Variants in WDR74 observed in about 807,000 individuals in gnomAD.
WDR74 encodes WD repeat domain 74, also known as WD repeat-containing protein 74.
WDR74 carries 31 observed loss-of-function variants against 45.6 expected under a neutral mutation model. The observed-to-expected ratio is 0.68, with a 90% confidence interval of 0.51 to 0.92. WDR74 has a LOEUF of 0.92. Ranked by LOEUF, WDR74 falls within the 40% of genes least tolerant of loss-of-function variation. The pLI, the probability that WDR74 is intolerant of heterozygous loss-of-function variation, is 0.00. For synonymous variants in WDR74, 191 were observed against 192.4 expected, an observed-to-expected ratio of 0.99 and a Z score of 0.06; for missense variants, 455 against 497.2, an observed-to-expected ratio of 0.92 and a Z score of 0.81.
intron 6 of WDR74, chr11:62,834,779 C>G: frequency 2.0e-6 from 1 of 496,206 alleles, no homozygotes; most frequent in Non-Finnish European, 3.6e-6. Context: ...TCCCCCCATA[C>G]TCCCATCTAG....
At position 62,834,460 on chromosome 11, in the gene WDR74, G is replaced by A. The variant is rs753684455; in HGVS notation, c.686C>T (p.Pro229Leu). 1.3e-6 allele frequency: 2 copies of A among 1,584,866 alleles called. No individual in the cohort carries two copies. Among genetic ancestry groups the A allele is most frequent in the South Asian group, 2.2e-5 (2 of 90,508 alleles). Reference protein sequence around the residue: ...PVLETTYGEYPLTAMTLTPGG... With the variant: ...PVLETTYGEYLLTAMTLTPGG... ...CGGAGTGAGGGTCATGGCTGTTAGT[G>A]GGTACTCTCCATAGGTGGTCTCTAG... The change falls in exon 7 of 11, where the codon CCA (proline) becomes CTA (leucine). Residue 229 changes from proline to leucine, a missense_variant. Transcript: ENST00000278856.
upstream of WDR74, chr11:62,840,408 G>C (rs1049542760): frequency 6.6e-6 from 1 of 151,716 alleles, no homozygotes; most frequent in African/African-American, 2.4e-5. Context: ...GCGTGAACCC[G>C]GGAGGAGGAG....
upstream of WDR74, chr11:62,841,712 C>CCATTT (rs2085064528): frequency 6.6e-6 from 1 of 152,200 alleles, no homozygotes; most frequent in Admixed American, 6.5e-5. Context: ...TTCCAAAAAT[C>CCATTT]CATTTAATAT....
intron 4 of WDR74, 58 bp from the exon 5 acceptor site, chr11:62,835,899 C>A: frequency 1.9e-6 from 3 of 1,587,038 alleles, no homozygotes; most frequent in Admixed American, 1.8e-5. Context: ...CCTTCCCCAG[C>A]GTGATCATTA....
Position 62,839,525 on chromosome 11 carries a change from C to T in WDR74, c.46G>A (p.Glu16Lys), listed in dbSNP as rs1489260502. Reference protein sequence around the residue: ...ARWNHVWVGTETGILKGVNLQ... With the variant: ...ARWNHVWVGTKTGILKGVNLQ... Reference sequence around the variant, plus strand: ...CACCCACCTTTCAAGATCCCAGTCTCGGTGCCGACCCACACATGGTTCCAG... The same window carrying T: ...CACCCACCTTTCAAGATCCCAGTCTTGGTGCCGACCCACACATGGTTCCAG... Residue 16 changes from glutamate (E) to lysine (K), a missense_variant, in exon 1 of 11, where the codon GAG becomes AAG. Coordinates refer to ENST00000278856, the MANE Select transcript of WDR74 (RefSeq NM_001369450.1). 2 of 1,613,504 alleles carry T rather than the reference C, an allele frequency of 1.2e-6. No homozygotes were observed. The highest frequency in any genetic ancestry group is 1.7e-6 in the Non-Finnish European group (2 of 1,179,858).
intron 3 of WDR74, among the ~76,000 whole-genome samples, chr11:62,837,098 T>A (rs891209569): frequency 1.3e-5 from 2 of 151,554 alleles, no homozygotes; most frequent in Admixed American, 6.6e-5. Flanking sequence ...AAACAATAAA[T>A]GAATAACTCA....
upstream of WDR74, chr11:62,841,620 G>T (rs375994312): frequency 4.6e-5 from 7 of 152,210 alleles, no homozygotes; most frequent in African/African-American, 1.2e-4. Flanking sequence ...TCCCCGAAGG[G>T]AGAGTGCACC....
At chr11:62,837,070 C>T (rs1025643689) in intron 3 of WDR74, among the ~76,000 whole-genome samples, 9 of 152,024 alleles carry the variant, frequency 5.9e-5, no homozygotes, top group South Asian at 2.1e-4. Context: ...AGCAAGACTC[C>T]GTCTCTCAGA....
At chr11:62,835,124 C>G (rs894398465) in intron 6 of WDR74, 2 of 320,908 alleles carry the variant, frequency 6.2e-6, no homozygotes, top group African/African-American at 2.1e-5. Flanking sequence ...AGGACCAGAA[C>G]CCAGTTCTCT....
intron 10 of WDR74, 52 bp downstream of exon 10, chr11:62,833,566 G>A (rs1300527925): frequency 1.3e-6 from 2 of 1,546,948 alleles, no homozygotes; most frequent in Non-Finnish European, 1.7e-6. Flanking sequence ...TCCATAGGGA[G>A]GTCCTCACAT....
chr11:62,833,751 C>A, intron 9 of WDR74, 41 bp downstream of exon 9: 1 of 1,607,904 alleles, frequency 6.2e-7, no homozygotes, highest in Non-Finnish European at 8.5e-7. Context: ...GAGGCGGGGC[C>A]TCCACAAGAC....
At chr11:62,839,796 C>T (rs1300430231), upstream of WDR74, 1 of 604,628 alleles carries the variant, frequency 1.7e-6, no homozygotes, top group Non-Finnish European at 2.9e-6. Context: ...AAGCACCTTT[C>T]CTGGACTGCG....
At chr11:62,841,503 A>C (rs775897065), upstream of WDR74, 2 of 152,148 alleles carry the variant, frequency 1.3e-5, no homozygotes, top group Non-Finnish European at 1.5e-5. Context: ...CGCGTCATTC[A>C]ACACACTAGC....
chr11:62,838,573 A>G (rs1417227850), intron 3 of WDR74, among the ~76,000 whole-genome samples: 1 of 151,808 alleles, frequency 6.6e-6, no homozygotes, highest in Non-Finnish European at 1.5e-5. Context: ...AGCCTAGCCA[A>G]TACGGTGAAA....
chr11:62,835,727 C>T lies in WDR74; in HGVS notation c.484G>A (p.Gly162Ser), dbSNP rs2084949276. Residue 162 changes from glycine (G) to serine (S), a missense_variant, in exon 5 of 11, where the codon GGC becomes AGC. Gly to Ser is a moderately conservative substitution (Grantham distance 56, BLOSUM62 0). Coordinates refer to ENST00000278856, the MANE Select transcript of WDR74 (RefSeq NM_001369450.1). ...GCCCTGAACACAGGTTCCTCAGAGC[C>T]CTGCAGGTCCCATATCTTCAAAGCA... is the stretch of plus-strand genomic sequence containing the variant. ...ENALKIWDLQ[G>S]SEEPVFRAKN... The T allele has an allele frequency of 6.8e-6, 11 of 1,613,946 alleles. No homozygotes were observed. Among genetic ancestry groups the T allele is most frequent in the Non-Finnish European group, 8.5e-6 (10 of 1,179,880 alleles).
At chr11:62,839,260 C>A in intron 2 of WDR74, 25 bp from the exon 3 acceptor site, 2 of 1,612,568 alleles carry the variant, frequency 1.2e-6, no homozygotes, top group Non-Finnish European at 1.7e-6. Flanking sequence ...GGCAAGATGG[C>A]GAGGAGAGCG....
upstream of WDR74, chr11:62,841,583 A>G (rs186444742): frequency 5.9e-5 from 9 of 152,308 alleles, no homozygotes; most frequent in South Asian, 2.1e-4. Flanking sequence ...ACTGATCGAA[A>G]TCTTCCATTA....
In WDR74 at chr11:62,833,947, G is replaced by T. The variant is rs768714760; in HGVS notation, c.776-10C>A. 7 of 1,611,790 alleles carry T rather than the reference G, an allele frequency of 4.3e-6. No homozygotes were observed. Among genetic ancestry groups the T allele is most frequent in the Non-Finnish European group, 5.9e-6 (7 of 1,178,796 alleles). ...CAGCCCAGTAGACGCCCTAGAGAAGGGGGGAAGCATCCGTGATAACTGGCT... is the reference window on the plus strand; with the variant it reads ...CAGCCCAGTAGACGCCCTAGAGAAGTGGGGAAGCATCCGTGATAACTGGCT... On this transcript the variant is annotated splice_polypyrimidine_tract_variant and intron_variant, in intron 8 of 10. Coordinates refer to ENST00000278856, the MANE Select transcript of WDR74 (RefSeq NM_001369450.1).
At chr11:62,841,405 G>A (rs183548776), upstream of WDR74, among the ~76,000 whole-genome samples, 17 of 151,488 alleles carry the variant, frequency 1.1e-4, no homozygotes, top group Admixed American at 4.6e-4. Flanking sequence ...AGAGGCTGAA[G>A]TATGAAGATT....
Sources: gnomAD v4.1 joint callset for allele counts (sites outside exome capture counted in the v4.1 genomes callset) on GRCh38, gnomAD v4.1.1 for gene constraint, MANE v1.5 for transcripts, NCBI Gene and HGNC (gene_info 2026-07-23, HGNC 2026-07-21) for gene names.